NDUFC2: variants seen among roughly 807,000 people sequenced by gnomAD.
NDUFC2 encodes NADH dehydrogenase [ubiquinone] 1 subunit C2.
A neutral mutation model predicts 10.1 loss-of-function variants in NDUFC2; 2 were observed. That is an observed-to-expected ratio of 0.20 (90% CI 0.08 to 0.62). The LOEUF (loss-of-function observed/expected upper bound fraction) is 0.62. Ranked by LOEUF, NDUFC2 falls within the 20% of genes least tolerant of loss-of-function variation. The probability of loss-of-function intolerance (pLI) is 0.87; values close to 1 mark genes in which losing one functional copy is unlikely to be tolerated. For missense variants in NDUFC2, 156 were observed against 159.6 expected, an observed-to-expected ratio of 0.98 and a Z score of 0.12; for synonymous variants, 61 against 63.6, an observed-to-expected ratio of 0.96 and a Z score of 0.20.
chr11:78,079,554 C>A lies in NDUFC2; in HGVS notation c.166+25G>T, dbSNP rs59275979. The A allele has an allele frequency of 2.3e-3, 3,514 of 1,547,124 alleles. 60 individuals carry two copies. In the African/African-American group the frequency reaches 0.036, roughly 16 times the overall value. ...GCCCTACGACCCCTTCTCCTCCCAG[C>A]CGATCCCGGCCGCGCAGCACTCACC... On this transcript the variant is annotated intron_variant, in intron 1 of 2. Transcript: ENST00000281031.
intron 1 of NDUFC2, among the ~76,000 whole-genome samples, chr11:78,074,339 G>A (rs1176983607): frequency 2.6e-5 from 4 of 152,042 alleles, no homozygotes; most frequent in African/African-American, 9.7e-5. Context: ...CTGGCTGGGC[G>A]TGGTGGCTCA....
chr11:78,074,803 C>T (rs769214344), intron 1 of NDUFC2, among the ~76,000 whole-genome samples: 35 of 152,322 alleles, frequency 2.3e-4, no homozygotes, highest in Middle Eastern at 3.4e-3. Flanking sequence ...ATGGGCTACC[C>T]GCCATATAGC....
At chr11:78,077,648 T>C (rs1031553421) in intron 1 of NDUFC2, among the ~76,000 whole-genome samples, 3 of 152,076 alleles carry the variant, frequency 2.0e-5, no homozygotes, top group African/African-American at 7.2e-5. Flanking sequence ...CTCAACCTCC[T>C]GGGCTCAAGT....
intron 1 of NDUFC2, among the ~76,000 whole-genome samples, chr11:78,073,660 G>T (rs1859113753): frequency 1.3e-5 from 2 of 151,694 alleles, no homozygotes; most frequent in Non-Finnish European, 2.9e-5. Context: ...AAATCAGCCA[G>T]ATGTGGTGGT....
At chr11:78,073,278 G>A (rs1186008071) in intron 1 of NDUFC2, 137 bp from the exon 2 acceptor site, 17 of 1,332,686 alleles carry the variant, frequency 1.3e-5, no homozygotes, top group Non-Finnish European at 1.6e-5. Context: ...GATCACCTGA[G>A]GTCAGGAGTT....
intron 1 of NDUFC2, among the ~76,000 whole-genome samples, chr11:78,076,408 T>G (rs560524924): frequency 6.6e-6 from 1 of 152,302 alleles, no homozygotes; most frequent in Admixed American, 6.5e-5. Context: ...TCCCAAAATG[T>G]TGGGATTACA....
chr11:78,070,816 G>T (rs888231672), intron 2 of NDUFC2, among the ~76,000 whole-genome samples: 1 of 152,174 alleles, frequency 6.6e-6, no homozygotes, highest in East Asian at 1.9e-4. Flanking sequence ...TGAGGCTCTT[G>T]GCACAACTGC....
chr11:78,072,907 G>T (rs1039382903), intron 2 of NDUFC2, 91 bp downstream of exon 2: 2 of 1,506,728 alleles, frequency 1.3e-6, no homozygotes, highest in African/African-American at 1.4e-5. Context: ...ACAGAATTTA[G>T]AAGGTATCTA....
At chr11:78,076,913 C>T (rs1363692206) in intron 1 of NDUFC2, among the ~76,000 whole-genome samples, 1 of 152,198 alleles carries the variant, frequency 6.6e-6, no homozygotes, top group Non-Finnish European at 1.5e-5. Flanking sequence ...AAACATGTAT[C>T]TATCATACCA....
At chr11:78,071,828 G>A (rs564172413) in intron 2 of NDUFC2, among the ~76,000 whole-genome samples, 3 of 152,278 alleles carry the variant, frequency 2.0e-5, no homozygotes, top group African/African-American at 7.2e-5. Context: ...AACATAGCAG[G>A]AAGAAGGTAC....
chr11:78,077,242 T>C (rs1040809647), intron 1 of NDUFC2, among the ~76,000 whole-genome samples: 14 of 151,342 alleles, frequency 9.3e-5, no homozygotes, highest in African/African-American at 3.4e-4. Flanking sequence ...CAGTGAGCCA[T>C]GAGTGCACCA....
chr11:78,070,162 C>T (rs545501058), intron 2 of NDUFC2, 126 bp from the exon 3 acceptor site: 1 of 695,862 alleles, frequency 1.4e-6, no homozygotes, highest in Middle Eastern at 4.0e-4. Context: ...ATGTTCATGT[C>T]CCCCCAAAGT....
chr11:78,070,002 G>C lies in NDUFC2; in HGVS notation c.345C>G (p.Phe115Leu). ...TTTGAAGACTTCAACGTATTGGATG[G>C]AATTTTTCAAAAATTTCACCATATG... Reference protein sequence around the residue: ...KKTYGEIFEKFHPIR With the variant: ...KKTYGEIFEKLHPIR The change falls in exon 3 of 3, where the codon TTC becomes TTG. Residue 115 changes from phenylalanine (F) to leucine (L), a missense_variant. Coordinates refer to ENST00000281031, the MANE Select transcript of NDUFC2 (RefSeq NM_004549.6). 6.2e-7 allele frequency: 1 copy of C among 1,606,278 alleles called. No homozygotes were observed. The highest frequency in any genetic ancestry group is 1.1e-5 in the South Asian group (1 of 88,714).
chr11:78,077,919 T>C (rs1859319846), intron 1 of NDUFC2, among the ~76,000 whole-genome samples: 1 of 152,138 alleles, frequency 6.6e-6, no homozygotes, highest in Non-Finnish European at 1.5e-5. Context: ...AGTGACAGTC[T>C]TGGGCAAATA....
In NDUFC2 at chr11:78,079,849, T is replaced by C. The variant is rs371546520; in HGVS notation, c.-105A>G. Reference sequence around the variant, plus strand: ...AGCGGTCAGCTTTCTCCTCCTCCTCTGCGCGCCGGACTCACGGGCACGGCG... The same window carrying C: ...AGCGGTCAGCTTTCTCCTCCTCCTCCGCGCGCCGGACTCACGGGCACGGCG... On this transcript the variant is annotated 5_prime_UTR_variant, in exon 1 of 3. Transcript: ENST00000281031. The C allele has an allele frequency of 9.7e-6, 14 of 1,438,654 alleles. No homozygotes were observed. In the African/African-American group the frequency reaches 1.0e-4, roughly 11 times the overall value. The allele number at this position is 1,438,654 out of a possible 1,614,324, so 89.1% of individuals were successfully genotyped here.
chr11:78,072,482 G>T (rs533512069), intron 2 of NDUFC2, among the ~76,000 whole-genome samples: 6 of 152,160 alleles, frequency 3.9e-5, no homozygotes, highest in Admixed American at 6.6e-5. Context: ...CCAGCCGGAT[G>T]ACTATTTTAA....
At chr11:78,079,536 G>A (rs1319725658) in intron 1 of NDUFC2, 43 bp downstream of exon 1, 5 of 1,542,336 alleles carry the variant, frequency 3.2e-6, no homozygotes, top group African/African-American at 2.8e-5. Context: ...GCAGCCCTAC[G>A]ACCCCTTCTC....
At chr11:78,072,787 G>A in intron 2 of NDUFC2, 1 of 658,334 alleles carries the variant, frequency 1.5e-6, no homozygotes, top group Non-Finnish European at 2.5e-6. Context: ...GGTTTGGGAA[G>A]GCAGAGGGGA....
intron 1 of NDUFC2, among the ~76,000 whole-genome samples, chr11:78,074,747 T>C (rs970305285): frequency 2.6e-5 from 4 of 152,222 alleles, no homozygotes; most frequent in African/African-American, 9.6e-5. Context: ...GTTCTAGAAC[T>C]GGACAGAGCA....
Sources: gnomAD v4.1 joint callset for allele counts (sites outside exome capture counted in the v4.1 genomes callset) on GRCh38, gnomAD v4.1.1 for gene constraint, MANE v1.5 for transcripts, NCBI Gene and HGNC (gene_info 2026-07-23, HGNC 2026-07-21) for gene names.